Variants in DIAPH3 observed in about 807,000 individuals in gnomAD.
DIAPH3 encodes diaphanous related formin 3, also known as protein diaphanous homolog 3.
In DIAPH3, 117 loss-of-function variants were observed where a neutral mutation model predicts 144.3. That is an observed-to-expected ratio of 0.81 (90% CI 0.70 to 0.95). DIAPH3 has a LOEUF of 0.95. Ranked by LOEUF, DIAPH3 falls within the 40% of genes least tolerant of loss-of-function variation. The probability of loss-of-function intolerance (pLI) is 0.00; values close to 1 mark genes in which losing one functional copy is unlikely to be tolerated. For synonymous variants in DIAPH3, 519 were observed against 488.9 expected, an observed-to-expected ratio of 1.06 and a Z score of -0.81; for missense variants, 1,421 against 1,412.7, an observed-to-expected ratio of 1.01 and a Z score of -0.09.
At chr13:60,081,385 A>T (rs2057554502) in intron 4 of DIAPH3, among the ~76,000 whole-genome samples, 1 of 152,046 alleles carries the variant, frequency 6.6e-6, no homozygotes, top group Admixed American at 6.6e-5. Flanking sequence ...TACATAGAAA[A>T]ATGTCATTAT....
chr13:60,036,975 C>T (rs2055276809), intron 5 of DIAPH3, among the ~76,000 whole-genome samples: 1 of 12,876 alleles, frequency 7.8e-5, no homozygotes, highest in Admixed American at 1.2e-3. Context: ...AGAAAATTCC[C>T]TATCAGAATA....
At chr13:59,959,068 G>GT (rs1185329636) in intron 17 of DIAPH3, among the ~76,000 whole-genome samples, 2 of 151,888 alleles carry the variant, frequency 1.3e-5, no homozygotes, top group South Asian at 2.1e-4. Flanking sequence ...TAGAGATGGG[G>GT]TTTTACCATG....
intron 27 of DIAPH3, among the ~76,000 whole-genome samples, chr13:59,699,146 G>A (rs779108023): frequency 6.6e-6 from 1 of 152,188 alleles, no homozygotes; most frequent in Non-Finnish European, 1.5e-5. Flanking sequence ...AAACACATAT[G>A]TTATAGGGTG....
At chr13:59,705,807 G>C (rs1171193604) in intron 27 of DIAPH3, among the ~76,000 whole-genome samples, 1 of 152,140 alleles carries the variant, frequency 6.6e-6, no homozygotes, top group Non-Finnish European at 1.5e-5. Flanking sequence ...TGGTAAATGA[G>C]ATTATTGAGA....
chr13:60,046,245 T>G (rs913622449), intron 4 of DIAPH3, among the ~76,000 whole-genome samples: 6 of 152,190 alleles, frequency 3.9e-5, no homozygotes, highest in Non-Finnish European at 8.8e-5. Context: ...CTTAATGCTT[T>G]AGTTCATTTT....
intron 5 of DIAPH3, among the ~76,000 whole-genome samples, chr13:60,042,105 A>T (rs1400780479): frequency 6.6e-6 from 1 of 152,144 alleles, no homozygotes; most frequent in African/African-American, 2.4e-5. Flanking sequence ...AGGCACCAAA[A>T]ATTAGCCCCA....
At chr13:60,059,709 TTAAA>T (rs1365248728) in intron 4 of DIAPH3, among the ~76,000 whole-genome samples, 2 of 151,968 alleles carry the variant, frequency 1.3e-5, no homozygotes, top group Non-Finnish European at 2.9e-5. Flanking sequence ...GGGGAGCTGA[TTAAA>T]CAAACATGGA....
intron 17 of DIAPH3, among the ~76,000 whole-genome samples, chr13:59,941,070 G>A (rs2048507153): frequency 6.6e-6 from 1 of 152,096 alleles, no homozygotes; most frequent in African/African-American, 2.4e-5. Flanking sequence ...AGAATAAGAG[G>A]TCATTCCTGA....
chr13:59,788,578 ATTG>A (rs1218887263), intron 25 of DIAPH3, among the ~76,000 whole-genome samples: 5 of 152,230 alleles, frequency 3.3e-5, no homozygotes, highest in Admixed American at 3.3e-4. Context: ...TGTCTGTTAT[ATTG>A]TTGTTCATTG....
chr13:59,854,765 G>A (rs549339910), intron 22 of DIAPH3, among the ~76,000 whole-genome samples: 61 of 152,290 alleles, frequency 4.0e-4, no homozygotes, highest in Non-Finnish European at 7.8e-4. Context: ...GACACTGACA[G>A]AACTGCTCAA....
chr13:60,069,262 G>T (rs1444267080), intron 4 of DIAPH3, among the ~76,000 whole-genome samples: 3 of 152,084 alleles, frequency 2.0e-5, no homozygotes, highest in Non-Finnish European at 4.4e-5. Flanking sequence ...TCATATGCTT[G>T]TTGATTATTT....
intron 27 of DIAPH3, among the ~76,000 whole-genome samples, chr13:59,750,009 A>AC (rs2036921577): frequency 6.6e-6 from 1 of 152,120 alleles, no homozygotes; most frequent in South Asian, 2.1e-4. Context: ...TTGAGTTGAA[A>AC]CCTTCCTTCC....
chr13:59,680,988 C>T (rs920301354), intron 27 of DIAPH3, among the ~76,000 whole-genome samples: 2 of 152,136 alleles, frequency 1.3e-5, no homozygotes, highest in Admixed American at 6.5e-5. Context: ...GCAACTCTTA[C>T]GAACCTTCCG....
intron 4 of DIAPH3, among the ~76,000 whole-genome samples, chr13:60,068,388 C>G (rs1430790848): frequency 6.6e-6 from 1 of 152,134 alleles, no homozygotes; most frequent in Non-Finnish European, 1.5e-5. Flanking sequence ...TATAAAGTTA[C>G]TTTAATTTGG....
chr13:59,782,022 A>G (rs915141679), intron 25 of DIAPH3, among the ~76,000 whole-genome samples: 1 of 152,214 alleles, frequency 6.6e-6, no homozygotes, highest in African/African-American at 2.4e-5. Context: ...CCCAGCCTTC[A>G]GAACTGCAAG....
chr13:59,963,637 G>C (rs187388253), intron 17 of DIAPH3, among the ~76,000 whole-genome samples: 30 of 151,806 alleles, frequency 2.0e-4, no homozygotes, highest in African/African-American at 7.0e-4. Context: ...TATGTAATGG[G>C]GGGGAGGGGA....
chr13:60,123,284 C>T (rs1313226024), intron 2 of DIAPH3, among the ~76,000 whole-genome samples: 1 of 152,192 alleles, frequency 6.6e-6, no homozygotes, highest in African/African-American at 2.4e-5. Flanking sequence ...CATTTCTCTA[C>T]TGCACCCAGA....
chr13:60,096,202 T>C (rs2058099812), intron 3 of DIAPH3, among the ~76,000 whole-genome samples: 1 of 152,218 alleles, frequency 6.6e-6, no homozygotes, highest in Admixed American at 6.5e-5. Context: ...TGGAAAATTC[T>C]GTTTTAAATT....
At chr13:59,880,203 C>CT (rs2044921717) in intron 20 of DIAPH3, among the ~76,000 whole-genome samples, 1 of 152,132 alleles carries the variant, frequency 6.6e-6, no homozygotes, top group South Asian at 2.1e-4. Flanking sequence ...AAGTTCCTGC[C>CT]TTTATCCTTA....
Sources: gnomAD v4.1 joint callset for allele counts (sites outside exome capture counted in the v4.1 genomes callset) on GRCh38, gnomAD v4.1.1 for gene constraint, MANE v1.5 for transcripts, NCBI Gene and HGNC (gene_info 2026-07-23, HGNC 2026-07-21) for gene names.